The following DLGAP2 variants were observed in gnomAD, a reference collection of about 807,000 sequenced individuals.
The protein encoded by DLGAP2 is disks large-associated protein 2.
DLGAP2 carries 26 observed loss-of-function variants against 100.3 expected under a neutral mutation model. The ratio of observed to expected loss-of-function variants is 0.26; its 90% CI spans 0.19 to 0.36. DLGAP2 has a LOEUF of 0.36. Ranked by LOEUF, DLGAP2 falls within the 10% of genes least tolerant of loss-of-function variation. The probability of loss-of-function intolerance (pLI) is 1.00; values close to 1 mark genes in which losing one functional copy is unlikely to be tolerated. For synonymous variants in DLGAP2, 886 were observed against 630.1 expected (o/e 1.41, Z -6.08); for missense variants, 1,858 against 1,453.2 (o/e 1.28, Z -4.53).
At chr8:1,129,951 A>C (rs898406333) in intron 2 of DLGAP2, among the ~76,000 whole-genome samples, 5 of 152,202 alleles carry the variant, frequency 3.3e-5, no homozygotes, top group African/African-American at 1.2e-4. Context: ...CCCCAGGTGC[A>C]CATTTGTAAA....
At chr8:866,771 C>T (rs549842524) in intron 1 of DLGAP2, among the ~76,000 whole-genome samples, 1 of 152,304 alleles carries the variant, frequency 6.6e-6, no homozygotes, top group South Asian at 2.1e-4. Flanking sequence ...TAGAATCGAC[C>T]GTTTCTCCCT....
At chr8:1,026,228 C>A (rs777390109) in intron 2 of DLGAP2, among the ~76,000 whole-genome samples, 1 of 152,142 alleles carries the variant, frequency 6.6e-6, no homozygotes, top group Non-Finnish European at 1.5e-5. Context: ...TTGGTGGAGA[C>A]GTTTGCCGTC....
chr8:1,097,248 C>G lies in DLGAP2; in HGVS notation c.74-161603C>G, dbSNP rs185105793. Among the ~76,000 whole-genome samples the G allele has an allele frequency of 3.1e-4, 42 of 133,972 alleles. 6 individuals carry two copies. Among genetic ancestry groups the G allele is most frequent in the African/African-American group, 1.2e-3 (40 of 33,600 alleles). 87.9% of individuals were successfully genotyped at this position (133,972 alleles called of 152,430 possible). On this transcript the variant is annotated intron_variant, in intron 2 of 14. Coordinates refer to ENST00000637795, the MANE Select transcript of DLGAP2 (RefSeq NM_001346810.2). ...CCTCTGTGGCATGGAGAGGTCCCCT[C>G]CAGCGTGAGACCCAGCTCCCTCTGC...
chr8:973,570 A>G (rs1315798179), intron 2 of DLGAP2, among the ~76,000 whole-genome samples: 4 of 152,210 alleles, frequency 2.6e-5, no homozygotes, highest in African/African-American at 9.6e-5. Context: ...GCAGCTGGGC[A>G]GAGGCTGCAA....
At chr8:1,342,674 C>T (rs1438387199) in intron 3 of DLGAP2, among the ~76,000 whole-genome samples, 1 of 152,168 alleles carries the variant, frequency 6.6e-6, no homozygotes, top group African/African-American at 2.4e-5. Flanking sequence ...TATTTCTCAT[C>T]CCTAACTTTA....
At chr8:780,016 A>G (rs1189195177) in intron 1 of DLGAP2, among the ~76,000 whole-genome samples, 3 of 152,234 alleles carry the variant, frequency 2.0e-5, no homozygotes, top group African/African-American at 7.2e-5. Context: ...TAGTGAAAAC[A>G]TTAAAATTCT....
chr8:1,383,376 C>A (rs1796139350), intron 3 of DLGAP2, among the ~76,000 whole-genome samples: 1 of 152,208 alleles, frequency 6.6e-6, no homozygotes, highest in Non-Finnish European at 1.5e-5. Flanking sequence ...GGGCAGCAAT[C>A]CTGAATGAGA....
chr8:1,240,176 C>G lies in DLGAP2; in HGVS notation c.74-18675C>G, dbSNP rs367633164. Among the ~76,000 whole-genome samples, 300 of 147,414 alleles carry G rather than the reference C, an allele frequency of 2.0e-3. 5 individuals carry two copies. The highest frequency in any genetic ancestry group is 0.012 in the East Asian group (56 of 4,556). ...CATACATAGTGTCATGTCTAGTTCT[C>G]TCTCACACAGAGTATCGTGTCTAGT... is the stretch of plus-strand genomic sequence containing the variant. On this transcript the variant is annotated intron_variant, in intron 2 of 14. Transcript: ENST00000637795.
intron 4 of DLGAP2, among the ~76,000 whole-genome samples, chr8:1,501,719 C>T (rs544091968): frequency 6.6e-6 from 1 of 152,182 alleles, no homozygotes; most frequent in East Asian, 1.9e-4. Flanking sequence ...TCCCTTGCTC[C>T]TCTGTGTCTA....
intron 3 of DLGAP2, among the ~76,000 whole-genome samples, chr8:1,266,443 C>A (rs564029889): frequency 6.6e-6 from 1 of 152,304 alleles, no homozygotes; most frequent in East Asian, 1.9e-4. Flanking sequence ...CTCCAAGAAT[C>A]CCTCTCCCCA....
rs368271430 is a variant in DLGAP2 at position 1,013,396 on chromosome 8, G to A, written c.73+105430G>A. Among the ~76,000 whole-genome samples the A allele has an allele frequency of 1.2e-4, 18 of 152,256 alleles. 1 individual carries two copies. In the South Asian group the frequency reaches 3.7e-3, roughly 32 times the overall value. The stretch of plus-strand genomic sequence containing the variant: ...GAGCCTCACGCTTGTTTGTAGAGCC[G>A]GTGTCCTGACTCTCTAGGGAGAAAG... On this transcript the variant is annotated intron_variant, in intron 2 of 14. Coordinates refer to ENST00000637795, the MANE Select transcript of DLGAP2 (RefSeq NM_001346810.2).
chr8:1,491,897 G>T (rs906801189), intron 3 of DLGAP2, among the ~76,000 whole-genome samples: 2 of 152,210 alleles, frequency 1.3e-5, no homozygotes, highest in Non-Finnish European at 2.9e-5. Flanking sequence ...AAGGCATGGT[G>T]GTGTTTAAGC....
intron 1 of DLGAP2, among the ~76,000 whole-genome samples, chr8:887,670 T>C (rs957954699): frequency 6.6e-6 from 1 of 152,212 alleles, no homozygotes; most frequent in Non-Finnish European, 1.5e-5. Flanking sequence ...GGATTGAAAA[T>C]TCCTTTCTTT....
At chr8:850,154 G>A (rs76192114) in intron 1 of DLGAP2, among the ~76,000 whole-genome samples, 51 of 151,886 alleles carry the variant, frequency 3.4e-4, no homozygotes, top group African/African-American at 1.2e-3. Flanking sequence ...TGTCAGATGT[G>A]ACATTTGCAG....
intron 7 of DLGAP2, among the ~76,000 whole-genome samples, 151 bp downstream of exon 7, chr8:1,627,038 C>G (rs1797524004): frequency 6.6e-6 from 1 of 152,262 alleles, no homozygotes. Flanking sequence ...CTGGAATTAG[C>G]TCTGGCTGAT....
At chr8:1,024,002 T>G (rs1324468062) in intron 2 of DLGAP2, among the ~76,000 whole-genome samples, 1 of 151,850 alleles carries the variant, frequency 6.6e-6, no homozygotes, top group Admixed American at 6.6e-5. Context: ...ACCTCTTGTG[T>G]CTCAGGGCCC....
At chr8:864,872 T>C (rs952604360) in intron 1 of DLGAP2, among the ~76,000 whole-genome samples, 2 of 152,212 alleles carry the variant, frequency 1.3e-5, no homozygotes, top group Non-Finnish European at 2.9e-5. Flanking sequence ...TCGTCATTGA[T>C]AATTATAAGA....
At chr8:882,485 TC>T (rs1367739649) in intron 1 of DLGAP2, among the ~76,000 whole-genome samples, 1 of 110,368 alleles carries the variant, frequency 9.1e-6, no homozygotes. Flanking sequence ...CCTCGCCTGA[TC>T]CAGCGGTACC....
chr8:1,279,924 C>G (rs1317319084), intron 3 of DLGAP2, among the ~76,000 whole-genome samples: 2 of 152,210 alleles, frequency 1.3e-5, no homozygotes, highest in Admixed American at 1.3e-4. Flanking sequence ...CACACACAGG[C>G]TTGAGAACCA....
Sources: allele counts gnomAD v4.1 joint callset (sites outside exome capture counted in the v4.1 genomes callset), GRCh38; gene constraint gnomAD v4.1.1; transcripts MANE v1.5; gene names NCBI Gene and HGNC (gene_info 2026-07-23, HGNC 2026-07-21).